Variants in ROR1 observed in about 807,000 individuals in gnomAD.
The protein encoded by ROR1 is ROR family WNT receptor 1, also known as inactive tyrosine-protein kinase transmembrane receptor ROR1.
Under a neutral mutation model 78.8 loss-of-function variants are expected in ROR1, and 19 were observed. The observed-to-expected ratio is 0.24, with a 90% confidence interval of 0.17 to 0.35. ROR1 has a LOEUF of 0.35. ROR1 is among the 10% of genes least tolerant of loss of function. The pLI is 1.00. For missense variants in ROR1, 917 were observed against 1,177.8 expected (o/e 0.78, Z 3.24); for synonymous variants, 386 against 433.6 (o/e 0.89, Z 1.36).
At chr1:63,885,040 T>C (rs1037894410) in intron 1 of ROR1, among the ~76,000 whole-genome samples, 1 of 152,166 alleles carries the variant, frequency 6.6e-6, no homozygotes, top group Non-Finnish European at 1.5e-5. Flanking sequence ...AAATTGATAA[T>C]ACTTATCTCC....
chr1:63,922,672 TTGA>T (rs578013424), intron 1 of ROR1, among the ~76,000 whole-genome samples: 7 of 152,042 alleles, frequency 4.6e-5, no homozygotes, highest in East Asian at 3.8e-4. Flanking sequence ...CTTTTTAGTA[TTGA>T]TGATGATGAT....
chr1:64,090,801 T>G (rs139728376), intron 4 of ROR1, among the ~76,000 whole-genome samples: 1 of 152,324 alleles, frequency 6.6e-6, no homozygotes, highest in African/African-American at 2.4e-5. Flanking sequence ...TTTACCAGCA[T>G]TACTAAAGTT....
chr1:63,888,505 C>A (rs1252937610), intron 1 of ROR1, among the ~76,000 whole-genome samples: 1 of 151,932 alleles, frequency 6.6e-6, no homozygotes, highest in Admixed American at 6.6e-5. Context: ...TGCCTGTGGT[C>A]CCAGCTACTT....
chr1:63,940,337 T>C (rs139385319), intron 1 of ROR1, among the ~76,000 whole-genome samples: 2 of 152,268 alleles, frequency 1.3e-5, no homozygotes, highest in Non-Finnish European at 2.9e-5. Flanking sequence ...AGAAACCAGC[T>C]TGAAGGTCTT....
chr1:63,893,201 G>A (rs1284219450), intron 1 of ROR1, among the ~76,000 whole-genome samples: 1 of 152,056 alleles, frequency 6.6e-6, no homozygotes, highest in Admixed American at 6.6e-5. Flanking sequence ...TCACTGGGAG[G>A]ATTTTTGTAT....
At chr1:63,801,103 G>C (rs1348363176) in intron 1 of ROR1, among the ~76,000 whole-genome samples, 1 of 150,432 alleles carries the variant, frequency 6.6e-6, no homozygotes, top group Admixed American at 6.6e-5. Flanking sequence ...TATTATGATA[G>C]GAGAAAATTG....
chr1:64,032,170 G>A (rs1360597249), intron 2 of ROR1, among the ~76,000 whole-genome samples: 3 of 151,520 alleles, frequency 2.0e-5, no homozygotes, highest in Admixed American at 6.6e-5. Flanking sequence ...GTGAAACCCC[G>A]TCTCTACTAA....
chr1:64,065,029 G>T (rs1646945457), intron 4 of ROR1, among the ~76,000 whole-genome samples: 1 of 151,860 alleles, frequency 6.6e-6, no homozygotes, highest in Non-Finnish European at 1.5e-5. Context: ...TGTGTAGAGG[G>T]GTGCTCTGAT....
intron 1 of ROR1, among the ~76,000 whole-genome samples, chr1:63,894,899 A>C (rs1645427643): frequency 6.6e-6 from 1 of 152,170 alleles, no homozygotes; most frequent in African/African-American, 2.4e-5. Context: ...TATTTTGCCA[A>C]GTAGACTAAA....
intron 1 of ROR1, among the ~76,000 whole-genome samples, chr1:63,985,710 G>T (rs990805127): frequency 1.3e-5 from 2 of 151,380 alleles, no homozygotes; most frequent in Non-Finnish European, 2.9e-5. Context: ...GAAAGACCCT[G>T]TCTCTTTAAA....
intron 4 of ROR1, among the ~76,000 whole-genome samples, chr1:64,072,329 T>C (rs1474606684): frequency 1.3e-5 from 2 of 152,114 alleles, no homozygotes; most frequent in Admixed American, 1.3e-4. Context: ...TAAATGGCCC[T>C]CAGAGCCTCT....
chr1:63,876,638 C>T (rs141209860), intron 1 of ROR1, among the ~76,000 whole-genome samples: 57 of 143,914 alleles, frequency 4.0e-4, no homozygotes, highest in Middle Eastern at 7.1e-3. Context: ...TGTGTTTCCA[C>T]GAAAGGGGTG....
chr1:63,818,672 T>TC (rs768597821), intron 1 of ROR1, among the ~76,000 whole-genome samples: 7 of 152,340 alleles, frequency 4.6e-5, no homozygotes, highest in African/African-American at 1.4e-4. Context: ...TGGGCATTTT[T>TC]CCCCTCCCCT....
At chr1:64,078,394 G>A (rs971687358) in intron 4 of ROR1, among the ~76,000 whole-genome samples, 9 of 152,170 alleles carry the variant, frequency 5.9e-5, no homozygotes, top group African/African-American at 1.7e-4. Flanking sequence ...GCAGGGCCTC[G>A]TGTGAGAATA....
intron 1 of ROR1, among the ~76,000 whole-genome samples, chr1:63,936,105 G>A (rs1645792280): frequency 6.6e-6 from 1 of 152,164 alleles, no homozygotes; most frequent in Non-Finnish European, 1.5e-5. Context: ...AGACCGTTAT[G>A]GAGAAAGGAT....
intron 2 of ROR1, 66 bp downstream of exon 2, chr1:64,009,442 G>A (rs1646458150): frequency 4.1e-6 from 5 of 1,225,306 alleles, no homozygotes; most frequent in Non-Finnish European, 6.0e-6. Context: ...ATCCTGGCAT[G>A]ACCTTCTTTG....
chr1:63,978,676 A>G (rs543372944), intron 1 of ROR1, among the ~76,000 whole-genome samples: 2 of 152,218 alleles, frequency 1.3e-5, no homozygotes, highest in Non-Finnish European at 2.9e-5. Context: ...AAATCCTCAT[A>G]TGGTTCTATA....
At chr1:63,945,466 C>T (rs1287797817) in intron 1 of ROR1, among the ~76,000 whole-genome samples, 2 of 151,868 alleles carry the variant, frequency 1.3e-5, no homozygotes, top group African/African-American at 2.4e-5. Flanking sequence ...TTGTACAGTC[C>T]CCTGACCTAT....
chr1:63,878,499 T>A (rs1320929033), intron 1 of ROR1, among the ~76,000 whole-genome samples: 1 of 152,154 alleles, frequency 6.6e-6, no homozygotes, highest in East Asian at 1.9e-4. Flanking sequence ...GAGTGATTTT[T>A]TTTTTTTTAA....
Sources: gnomAD v4.1 joint callset for allele counts (sites outside exome capture counted in the v4.1 genomes callset) on GRCh38, gnomAD v4.1.1 for gene constraint, MANE v1.5 for transcripts, NCBI Gene and HGNC (gene_info 2026-07-23, HGNC 2026-07-21) for gene names.